Variants in PHKA2 observed in about 807,000 individuals in gnomAD.
PHKA2 encodes the protein phosphorylase b kinase regulatory subunit alpha, liver isoform.
Under a neutral mutation model 102.0 loss-of-function variants are expected in PHKA2, and 31 were observed. The ratio of observed to expected loss-of-function variants is 0.30; its 90% CI spans 0.23 to 0.41. The LOEUF is 0.41. PHKA2 is among the 10% of genes least tolerant of loss of function. PHKA2 has a pLI of 1.00. For missense variants in PHKA2, 858 were observed against 1,023.1 expected, an observed-to-expected ratio of 0.84 and a Z score of 2.20; for synonymous variants, 455 against 416.2, an observed-to-expected ratio of 1.09 and a Z score of -1.13.
chrX:18,957,899 A>G (rs776439970), intron 1 of PHKA2, among the ~76,000 whole-genome samples: 2 of 109,079 alleles, frequency 1.8e-5, no homozygotes, highest in Non-Finnish European at 3.8e-5. Flanking sequence ...CGCTCTTGTC[A>G]CCCAGGTTGG....
intron 5 of PHKA2, among the ~76,000 whole-genome samples, chrX:18,947,796 T>C (rs929683029): frequency 8.9e-6 from 1 of 112,302 alleles, no homozygotes; most frequent in Non-Finnish European, 1.9e-5. Flanking sequence ...CTGTGGTATA[T>C]ATATGATGGA....
chrX:18,955,132 G>A (rs1009840010), intron 1 of PHKA2, among the ~76,000 whole-genome samples: 4 of 112,523 alleles, frequency 3.6e-5, no homozygotes, highest in African/African-American at 6.5e-5. Flanking sequence ...AACGAAATGC[G>A]GTCTATACAA....
At chrX:18,964,674 T>C (rs2048914714) in intron 1 of PHKA2, among the ~76,000 whole-genome samples, 1 of 112,583 alleles carries the variant, frequency 8.9e-6, no homozygotes, top group Non-Finnish European at 1.9e-5. Context: ...AGCAATGCTT[T>C]ACACCTGAGA....
At chrX:18,958,263 C>T (rs898350057) in intron 1 of PHKA2, among the ~76,000 whole-genome samples, 1 of 112,024 alleles carries the variant, frequency 8.9e-6, no homozygotes, top group African/African-American at 3.2e-5. Context: ...TCCATGTCAT[C>T]TGGCATAATT....
intron 25 of PHKA2, 62 bp downstream of exon 25, chrX:18,906,433 G>C (rs980062438): frequency 1.5e-5 from 18 of 1,189,167 alleles, no homozygotes; most frequent in Non-Finnish European, 2.1e-5. Flanking sequence ...TGAGAGTGGA[G>C]GCCGTGGCCG....
chrX:18,980,388 C>T (rs1569342464), intron 1 of PHKA2, among the ~76,000 whole-genome samples: 1 of 112,602 alleles, frequency 8.9e-6, no homozygotes, highest in Non-Finnish European at 1.9e-5. Flanking sequence ...GTATAAAACC[C>T]GATTGTACAT....
chrX:18,931,898 C>T (rs745484375), intron 11 of PHKA2, 150 bp from the exon 12 acceptor site: 16 of 524,505 alleles, frequency 3.1e-5, no homozygotes, highest in African/African-American at 9.1e-5. Flanking sequence ...GAGCAAGCCC[C>T]TTCCTCGGGG....
chrX:18,984,087 C>T lies in PHKA2; in HGVS notation c.-155G>A, dbSNP rs927001331. ...CGGAGGAGGTCGAGACTTTTCTAAA[C>T]GCTAGCCCCAAAGTCCGGTTGGAAA... On this transcript the variant is annotated 5_prime_UTR_variant, in exon 1 of 33. Transcript: ENST00000379942. 8.1e-6 allele frequency: 4 copies of T among 492,667 alleles called. No individual in the cohort carries two copies. The highest frequency in any genetic ancestry group is 2.3e-5 in the African/African-American group (1 of 42,770). 40.6% of individuals were successfully genotyped at this position (492,667 alleles called of 1,213,427 possible). A position where few individuals can be genotyped will look rare whatever the true frequency, so the allele number is the denominator to read the frequency against.
chrX:18,970,874 C>T (rs972748472), intron 1 of PHKA2, among the ~76,000 whole-genome samples: 3 of 112,492 alleles, frequency 2.7e-5, no homozygotes, highest in African/African-American at 9.7e-5. Context: ...TGGCCCTGTG[C>T]TTGAGTTTTA....
At chrX:18,919,889 C>A (rs780621236) in intron 18 of PHKA2, 143 bp downstream of exon 18, 17 of 533,510 alleles carry the variant, frequency 3.2e-5, no homozygotes, top group Non-Finnish European at 5.5e-5. Flanking sequence ...TTAATATATG[C>A]AAGTTTCAGA....
chrX:18,960,832 T>C (rs1200358835), intron 1 of PHKA2, among the ~76,000 whole-genome samples: 1 of 112,088 alleles, frequency 8.9e-6, no homozygotes, highest in African/African-American at 3.2e-5. Flanking sequence ...CTTAGACGTG[T>C]ATGAACCTAA....
intron 8 of PHKA2, among the ~76,000 whole-genome samples, chrX:18,940,586 G>T (rs1312331147): frequency 8.9e-6 from 1 of 112,001 alleles, no homozygotes; most frequent in Non-Finnish European, 1.9e-5. Context: ...CCAGGGTTCT[G>T]CCCCAGCTTC....
In PHKA2 at chrX:18,918,714, C is replaced by T. The variant is rs1447820066; in HGVS notation, c.2104G>A (p.Val702Met). The change falls in exon 19 of 33, where the codon GTG becomes ATG. Residue 702 changes from valine to methionine, a missense_variant. Val to Met is a conservative substitution (Grantham distance 21). This residue lies in a region of PHKA2 where 671 missense variants were observed against 745.2 expected (regional missense o/e 0.90). Transcript: ENST00000379942. ...AIHSTRDILS[V>M]MAKAKGLEVP... is the part of the protein sequence containing the mutation. ...TCCAAACCCTTTGCTTTTGCCATCA[C>T]AGAAAGTATGTCCCGCGTGGAGTGG... is the stretch of plus-strand genomic sequence containing the variant. 8.3e-7 allele frequency: 1 copy of T among 1,211,111 alleles called. No individual in the cohort carries two copies. Among genetic ancestry groups the T allele is most frequent in the Admixed American group, 2.2e-5 (1 of 46,035 alleles).
rs752541983 is a variant in PHKA2 at position 18,940,915 on chromosome X, C to T, written c.864+614G>A. Among the ~76,000 whole-genome samples the T allele has an allele frequency of 8.9e-5, 10 of 112,056 alleles. No individual in the cohort carries two copies. The East Asian group carries it at 2.8e-3, about 31-fold the overall frequency. On this transcript the variant is annotated intron_variant, in intron 8 of 32. Transcript: ENST00000379942. Reference sequence around the variant, plus strand: ...TTTTCCCACTGAACCCTGACTGAGACAGCTGCTTTCTTTTGGGAATATGAT... The same window carrying T: ...TTTTCCCACTGAACCCTGACTGAGATAGCTGCTTTCTTTTGGGAATATGAT...
At chrX:18,907,753 A>C (rs776844448) in intron 22 of PHKA2, 147 bp downstream of exon 22, 9 of 577,487 alleles carry the variant, frequency 1.6e-5, no homozygotes, top group Non-Finnish European at 2.6e-5. Context: ...AGCAGCAGGC[A>C]GGCAGGAGAG....
chrX:18,963,127 T>C (rs1349785827), intron 1 of PHKA2, among the ~76,000 whole-genome samples: 2 of 112,873 alleles, frequency 1.8e-5, no homozygotes, highest in Non-Finnish European at 3.7e-5. Context: ...GTCCAGCCCC[T>C]GTCTCCTCCC....
chrX:18,929,362 T>A, intron 12 of PHKA2, 56 bp from the exon 13 acceptor site: 2 of 789,755 alleles, frequency 2.5e-6, no homozygotes, highest in South Asian at 2.3e-5. Flanking sequence ...AATTTCATCT[T>A]AAACTGAAGT....
intron 31 of PHKA2, 53 bp from the exon 32 acceptor site, chrX:18,894,457 T>A: frequency 2.9e-6 from 3 of 1,031,126 alleles, no homozygotes; most frequent in Non-Finnish European, 4.1e-6. Context: ...TGCAGCCCTA[T>A]CAATCAATCA....
intron 11 of PHKA2, among the ~76,000 whole-genome samples, chrX:18,932,452 G>GT: frequency 9.0e-6 from 1 of 111,002 alleles, no homozygotes; most frequent in Non-Finnish European, 1.9e-5. Flanking sequence ...TCCAGAAAAC[G>GT]TAAGTCAACC....
Sources: allele counts gnomAD v4.1 joint callset (sites outside exome capture counted in the v4.1 genomes callset), GRCh38; gene constraint gnomAD v4.1.1; regional missense constraint gnomAD v4.1.1; transcripts MANE v1.5; gene names NCBI Gene and HGNC (gene_info 2026-07-23, HGNC 2026-07-21).